The following OPA1 variants were observed in gnomAD, a reference collection of about 807,000 sequenced individuals.
OPA1 encodes the protein OPA1 mitochondrial dynamin like GTPase, also known as dynamin-like GTPase OPA1, mitochondrial.
OPA1 carries 59 observed loss-of-function variants against 152.9 expected under a neutral mutation model. That is an observed-to-expected ratio of 0.39 (90% confidence interval 0.31 to 0.48). OPA1 has a LOEUF of 0.48. OPA1 is among the 20% of genes least tolerant of loss of function. The pLI is 0.96. For missense variants in OPA1, 1,008 were observed against 1,216.8 expected (o/e 0.83, Z 2.55); for synonymous variants, 400 against 389.9 (o/e 1.03, Z -0.31).
intron 29 of OPA1, chr3:193,668,467 T>A (rs1251881530): frequency 6.4e-7 from 1 of 1,550,706 alleles, no homozygotes; most frequent in Non-Finnish European, 8.7e-7. Context: ...TGAGCTCTGC[T>A]CTGACGCTTT....
rs1318988361 is a variant in OPA1, at chr3:193,694,687, G to A, written c.*87G>A. 2 of 152,188 alleles carry A rather than the reference G, an allele frequency of 1.3e-5. No individual in the cohort carries two copies. The highest frequency in any genetic ancestry group is 4.8e-5 in the African/African-American group (2 of 41,440). 9.4% of individuals were successfully genotyped at this position (152,188 alleles called of 1,614,324 possible). A position where few individuals can be genotyped will look rare whatever the true frequency, so the allele number is the denominator to read the frequency against. On this transcript the variant is annotated 3_prime_UTR_variant, in exon 31 of 31. Transcript: ENST00000361510. ...TTGTCCAGCCTCTTTTTCTTCTGCTGTTCCACCTTTCTAAACATACAATAA... is the reference window on the plus strand; with the variant it reads ...TTGTCCAGCCTCTTTTTCTTCTGCTATTCCACCTTTCTAAACATACAATAA...
chr3:193,617,492 A>T (rs1269571667), intron 4 of OPA1, among the ~76,000 whole-genome samples: 1 of 152,232 alleles, frequency 6.6e-6, no homozygotes, highest in Non-Finnish European at 1.5e-5. Context: ...GTTCCTAAGC[A>T]CTTAAACATA....
Position 193,658,984 on chromosome 3 carries a change from G to A in OPA1, c.2429G>A (p.Arg810His), listed in dbSNP as rs762258708. The change falls in exon 24 of 31, where the codon CGT (arginine) becomes CAT (histidine). Residue 810 changes from arginine to histidine, a missense_variant. By Grantham distance (29) the Arg-to-His change is conservative (BLOSUM62 0). Around this residue, in one of 7 missense-constraint regions of OPA1, gnomAD observed 229 missense variants for 269.0 expected, o/e 0.85. Coordinates refer to ENST00000361510, the MANE Select transcript of OPA1 (RefSeq NM_130837.3). ...IYFMEEALQA[R>H]LKDTENAIEN... ...TTTATGGAAGAGGCTCTGCAGGCTCGTCTCAAGGATAGTAAGTGGAGACAC... is the reference window on the plus strand; with the variant it reads ...TTTATGGAAGAGGCTCTGCAGGCTCATCTCAAGGATAGTAAGTGGAGACAC... The A allele has an allele frequency of 2.0e-5, 33 of 1,610,924 alleles. No individual in the cohort carries two copies. The highest frequency in any genetic ancestry group is 1.3e-4 in the Admixed American group (8 of 60,002).
Position 193,605,984 on chromosome 3 carries a change from A to G in OPA1, c.33-8739A>G, listed in dbSNP as rs183666365. The stretch of plus-strand genomic sequence containing the variant: ...TATTTATTTTAACCTCTGTTTCCCC[A>G]TGTTCCTTTAAAGGTATTACGGGGA... On this transcript the variant is annotated intron_variant, in intron 1 of 30. Coordinates refer to ENST00000361510, the MANE Select transcript of OPA1 (RefSeq NM_130837.3). Among the ~76,000 whole-genome samples, 60 of 152,238 alleles carry G rather than the reference A, an allele frequency of 3.9e-4. No individual in the cohort carries two copies. In the East Asian group the frequency reaches 7.0e-3, roughly 18 times the overall value.
chr3:193,639,667 G>A (rs933659703), intron 11 of OPA1, among the ~76,000 whole-genome samples: 12 of 152,316 alleles, frequency 7.9e-5, no homozygotes, highest in Non-Finnish European at 1.6e-4. Context: ...ACAGACTTCC[G>A]TTTTAAGTAA....
In OPA1 at chr3:193,664,947, T is replaced by G. The variant is rs139106405; in HGVS notation, c.2729T>G (p.Leu910Arg). Residue 910 changes from leucine (L) to arginine (R), a missense_variant, in exon 27 of 31, where the codon CTT (leucine) becomes CGT (arginine). Leu to Arg is a moderately radical substitution (Grantham distance 102, BLOSUM62 -2). Transcript: ENST00000361510. ...FLKTALNHCN[L>R]CRRGFYYYQR... ...AAAACAGCTCTAAACCATTGTAACCTTTGTCGAAGAGGTTTTTATTACTAC... is the reference window on the plus strand; with the variant it reads ...AAAACAGCTCTAAACCATTGTAACCGTTGTCGAAGAGGTTTTTATTACTAC... 48 of 1,609,302 alleles carry G rather than the reference T, an allele frequency of 3.0e-5. No individual in the cohort carries two copies. The highest frequency in any genetic ancestry group is 4.0e-5 in the Non-Finnish European group (47 of 1,176,394).
intron 1 of OPA1, among the ~76,000 whole-genome samples, chr3:193,604,968 G>A (rs185603434): frequency 1.2e-3 from 176 of 151,992 alleles, no homozygotes; most frequent in African/African-American, 3.9e-3. Context: ...GTCAATTTCC[G>A]GGCACTCCTT....
chr3:193,648,671 T>A, intron 20 of OPA1, 124 bp from the exon 21 acceptor site: 1 of 687,558 alleles, frequency 1.5e-6, no homozygotes, highest in Non-Finnish European at 2.7e-6. Context: ...TTTTTGCTAG[T>A]CATGTATAAT....
At chr3:193,612,268 C>CTTTTTTTTT (rs34283831) in intron 1 of OPA1, among the ~76,000 whole-genome samples, 1 of 116,364 alleles carries the variant, frequency 8.6e-6, no homozygotes. Context: ...GTCTAACTTC[C>CTTTTTTTTT]TTTTTTTTTT....
intron 10 of OPA1, 152 bp downstream of exon 10, chr3:193,637,433 A>G: frequency 2.1e-6 from 1 of 468,432 alleles, no homozygotes; most frequent in Admixed American, 3.7e-5. Flanking sequence ...TGTTCCAAGT[A>G]ATGTCTTAAG....
intron 29 of OPA1, among the ~76,000 whole-genome samples, chr3:193,670,424 C>T (rs1248502513): frequency 1.0e-4 from 15 of 147,948 alleles, no homozygotes; most frequent in South Asian, 4.3e-4. Context: ...CTCGCTGTGT[C>T]GCCCAGGCTA....
At chr3:193,603,120 A>AT (rs757213538) in intron 1 of OPA1, among the ~76,000 whole-genome samples, 2 of 152,098 alleles carry the variant, frequency 1.3e-5, no homozygotes, top group Non-Finnish European at 2.9e-5. Flanking sequence ...CCCCACCAGT[A>AT]TTTTTTCATA....
chr3:193,659,033 A>G, intron 24 of OPA1, 38 bp downstream of exon 24: 1 of 1,378,310 alleles, frequency 7.3e-7, no homozygotes, highest in Non-Finnish European at 1.0e-6. Context: ...CTGAGTTCAC[A>G]GTGGTGAAGG....
At position 193,635,488 on chromosome 3, in the gene OPA1, A is replaced by G. The variant is rs1291549256; in HGVS notation, c.914A>G (p.Lys305Arg). 2 of 1,607,918 alleles carry G rather than the reference A, an allele frequency of 1.2e-6. No homozygotes were observed. Among genetic ancestry groups the G allele is most frequent in the Non-Finnish European group, 1.7e-6 (2 of 1,174,736 alleles). ...NKELRKLVLQ[K>R]DDKGIHHRKL... ...GAATTGAGAAAATTAGTATTGCAGA[A>G]AGATGACAAAGGCATTCATCATAGA... Residue 305 changes from lysine to arginine, a missense_variant, in exon 9 of 31, where the codon AAA becomes AGA. By Grantham distance (26) the Lys-to-Arg change is conservative. Transcript: ENST00000361510.
intron 29 of OPA1, among the ~76,000 whole-genome samples, chr3:193,675,515 T>G (rs1484997787): frequency 6.6e-6 from 1 of 152,070 alleles, no homozygotes; most frequent in Non-Finnish European, 1.5e-5. Flanking sequence ...ACCTTTTCCC[T>G]TTCTTTTTAT....
At chr3:193,692,005 C>T (rs2109460157) in intron 29 of OPA1, 58 bp from the exon 30 acceptor site, 2 of 1,017,864 alleles carry the variant, frequency 2.0e-6, no homozygotes, top group Non-Finnish European at 3.0e-6. Context: ...AAATAATTAC[C>T]TCCTGATTTG....
At chr3:193,681,951 A>G (rs1471705937) in intron 29 of OPA1, among the ~76,000 whole-genome samples, 1 of 152,212 alleles carries the variant, frequency 6.6e-6, no homozygotes, top group Non-Finnish European at 1.5e-5. Context: ...TGGCCTCTAC[A>G]TGTTCAAGTG....
chr3:193,648,287 T>C, intron 20 of OPA1, 153 bp downstream of exon 20: 1 of 599,922 alleles, frequency 1.7e-6, no homozygotes, highest in Non-Finnish European at 3.0e-6. Context: ...GGAGCAGTTA[T>C]CTCTTTCAGT....
At chr3:193,646,423 TTTAAA>T (rs1734626731) in intron 18 of OPA1, 2 of 152,458 alleles carry the variant, frequency 1.3e-5, no homozygotes, top group South Asian at 4.1e-4. Context: ...GTTATTAAAA[TTTAAA>T]TTAGTTGGAA....
Sources: allele counts gnomAD v4.1 joint callset (sites outside exome capture counted in the v4.1 genomes callset), GRCh38; gene constraint gnomAD v4.1.1; regional missense constraint gnomAD v4.1.1; transcripts MANE v1.5; gene names NCBI Gene and HGNC (gene_info 2026-07-23, HGNC 2026-07-21).